IQCJ: variants seen among roughly 807,000 people sequenced by gnomAD.
The protein encoded by IQCJ is IQ motif containing J.
IQCJ carries 9 observed loss-of-function variants against 11.0 expected under a neutral mutation model. That is an observed-to-expected ratio of 0.82 (90% confidence interval 0.49 to 1.43). IQCJ has a LOEUF of 1.43. Among genes scored for constraint, IQCJ ranks in the 40% most tolerant of loss-of-function variants. The probability of loss-of-function intolerance (pLI) is 0.00; values close to 1 mark genes in which losing one functional copy is unlikely to be tolerated. For synonymous variants in IQCJ, 55 were observed against 51.3 expected, an observed-to-expected ratio of 1.07 and a Z score of -0.31; for missense variants, 146 against 133.2, an observed-to-expected ratio of 1.10 and a Z score of -0.47.
chr3:159,147,818 AACTT>A (rs1721002880), intron 1 of IQCJ, among the ~76,000 whole-genome samples: 1 of 152,204 alleles, frequency 6.6e-6, no homozygotes, highest in South Asian at 2.1e-4. Flanking sequence ...CTCTCTTTGA[AACTT>A]ACTAAAAGAG....
intron 1 of IQCJ, among the ~76,000 whole-genome samples, chr3:159,227,595 G>A (rs546777562): frequency 3.9e-5 from 6 of 152,306 alleles, no homozygotes; most frequent in East Asian, 1.9e-4. Flanking sequence ...ATGGCAGAAA[G>A]TAGCCAGGTC....
intron 1 of IQCJ, among the ~76,000 whole-genome samples, chr3:159,235,471 T>C (rs1175484819): frequency 6.6e-6 from 1 of 152,202 alleles, no homozygotes; most frequent in Non-Finnish European, 1.5e-5. Context: ...TATTTAAGCC[T>C]GAAGGGTATT....
intron 1 of IQCJ, among the ~76,000 whole-genome samples, chr3:159,191,570 T>C (rs1221499950): frequency 2.0e-5 from 3 of 152,214 alleles, no homozygotes; most frequent in African/African-American, 7.2e-5. Flanking sequence ...ATAGCCTATA[T>C]AAGGCTTTGA....
intron 1 of IQCJ, among the ~76,000 whole-genome samples, chr3:159,211,430 C>T (rs1724944252): frequency 1.3e-5 from 2 of 152,172 alleles, no homozygotes; most frequent in South Asian, 4.1e-4. Flanking sequence ...TAAGTGGTTG[C>T]CCACTGTCAT....
At chr3:159,076,495 C>A (rs936812285) in intron 1 of IQCJ, among the ~76,000 whole-genome samples, 2 of 152,044 alleles carry the variant, frequency 1.3e-5, no homozygotes, top group Non-Finnish European at 2.9e-5. Context: ...ATTCTGAAGT[C>A]TTGATTTTCT....
chr3:159,212,382 C>A (rs1277119996), intron 1 of IQCJ, among the ~76,000 whole-genome samples: 2 of 152,090 alleles, frequency 1.3e-5, no homozygotes, highest in Admixed American at 1.3e-4. Flanking sequence ...ATATTGCTTA[C>A]CCTGGGCAGT....
In IQCJ at chr3:159,112,069, G is replaced by A. The variant is rs142418937; in HGVS notation, c.9+42628G>A. Among the ~76,000 whole-genome samples, 108 of 152,156 alleles carry A rather than the reference G, an allele frequency of 7.1e-4. 1 individual carries two copies. The East Asian group carries it at 0.02, about 28-fold the overall frequency. ...GGAAAAGTTTGTCCGTGACCAAATA[G>A]CCTCTTGTATGGCACACTGTATGCC... On this transcript the variant is annotated intron_variant, in intron 1 of 3. Coordinates refer to ENST00000397832, the MANE Select transcript of IQCJ (RefSeq NM_001042706.3).
intron 1 of IQCJ, among the ~76,000 whole-genome samples, chr3:159,094,599 G>T (rs901850199): frequency 6.6e-6 from 1 of 151,616 alleles, no homozygotes; most frequent in Admixed American, 6.6e-5. Flanking sequence ...TCTACAAAAT[G>T]GAGAGAGCCA....
chr3:159,136,397 C>T (rs1431539532), intron 1 of IQCJ, among the ~76,000 whole-genome samples: 2 of 152,064 alleles, frequency 1.3e-5, no homozygotes, highest in Non-Finnish European at 2.9e-5. Flanking sequence ...TTCTGGATGG[C>T]GATTTGAGTG....
At chr3:159,108,890 C>G (rs889235800) in intron 1 of IQCJ, among the ~76,000 whole-genome samples, 1 of 152,190 alleles carries the variant, frequency 6.6e-6, no homozygotes, top group Non-Finnish European at 1.5e-5. Context: ...TAAAATGGCA[C>G]TCATGACCAG....
chr3:159,139,107 G>T (rs563027346), intron 1 of IQCJ, among the ~76,000 whole-genome samples: 1 of 151,894 alleles, frequency 6.6e-6, no homozygotes, highest in Non-Finnish European at 1.5e-5. Flanking sequence ...TTATAAAATG[G>T]ATTTACCTGA....
At chr3:159,085,319 G>A (rs1292419452) in intron 1 of IQCJ, among the ~76,000 whole-genome samples, 1 of 151,362 alleles carries the variant, frequency 6.6e-6, no homozygotes, top group Admixed American at 6.6e-5. Context: ...GTCTATCATT[G>A]TTGGACATTT....
chr3:159,261,763 C>G (rs2108236025), intron 3 of IQCJ, among the ~76,000 whole-genome samples: 1 of 152,304 alleles, frequency 6.6e-6, no homozygotes, highest in African/African-American at 2.4e-5. Flanking sequence ...TTTCCGTTAT[C>G]CTGAGCAGAA....
intron 3 of IQCJ, among the ~76,000 whole-genome samples, chr3:159,254,788 C>A (rs1376436800): frequency 6.6e-6 from 1 of 152,118 alleles, no homozygotes; most frequent in Non-Finnish European, 1.5e-5. Context: ...ACCAAGACTG[C>A]CCCAGGTTTC....
At chr3:159,122,561 GATA>G (rs1719437418) in intron 1 of IQCJ, among the ~76,000 whole-genome samples, 1 of 152,070 alleles carries the variant, frequency 6.6e-6, no homozygotes, top group South Asian at 2.1e-4. Context: ...TCAGATTCCT[GATA>G]ATATTATTTC....
chr3:159,170,530 C>T (rs1389445358), intron 1 of IQCJ, among the ~76,000 whole-genome samples: 2 of 152,160 alleles, frequency 1.3e-5, no homozygotes, highest in Non-Finnish European at 2.9e-5. Flanking sequence ...CCTTAATGAA[C>T]ATTTTTTATA....
intron 1 of IQCJ, among the ~76,000 whole-genome samples, chr3:159,229,238 T>C (rs1207082799): frequency 6.6e-6 from 1 of 151,564 alleles, no homozygotes; most frequent in East Asian, 1.9e-4. Flanking sequence ...GCCATTCCAG[T>C]CGGCCAATAA....
intron 1 of IQCJ, among the ~76,000 whole-genome samples, chr3:159,080,747 T>C (rs904484975): frequency 5.3e-5 from 8 of 152,152 alleles, no homozygotes; most frequent in African/African-American, 1.7e-4. Flanking sequence ...GTATCTTGCC[T>C]AAGGCCACAC....
chr3:159,120,817 A>G (rs1719325100), intron 1 of IQCJ, among the ~76,000 whole-genome samples: 1 of 152,204 alleles, frequency 6.6e-6, no homozygotes, highest in African/African-American at 2.4e-5. Flanking sequence ...GGCAGTCTAG[A>G]ACTGTCGGAG....
Sources: allele counts gnomAD v4.1 joint callset (sites outside exome capture counted in the v4.1 genomes callset), GRCh38; gene constraint gnomAD v4.1.1; transcripts MANE v1.5; gene names NCBI Gene and HGNC (gene_info 2026-07-23, HGNC 2026-07-21).